Variants in SRGAP1 observed in about 807,000 individuals in gnomAD.
SRGAP1 encodes SLIT-ROBO Rho GTPase-activating protein 1.
Under a neutral mutation model 121.9 loss-of-function variants are expected in SRGAP1, and 43 were observed. The ratio of observed to expected loss-of-function variants is 0.35; its 90% CI spans 0.28 to 0.46. The LOEUF is 0.46. SRGAP1 is among the 20% of genes least tolerant of loss of function. SRGAP1 has a pLI of 1.00. For synonymous variants in SRGAP1, 447 were observed against 485.4 expected (o/e 0.92, Z 1.04); for missense variants, 1,102 against 1,350.9 (o/e 0.82, Z 2.89).
chr12:63,956,895 A>T (rs2032491143), intron 1 of SRGAP1, among the ~76,000 whole-genome samples: 1 of 151,644 alleles, frequency 6.6e-6, no homozygotes, highest in Admixed American at 6.6e-5. Flanking sequence ...ATTAGCCATC[A>T]CTCTCCATTC....
chr12:64,085,415 C>A (rs1309842173), intron 10 of SRGAP1, among the ~76,000 whole-genome samples: 1 of 152,118 alleles, frequency 6.6e-6, no homozygotes, highest in Admixed American at 6.6e-5. Context: ...CAACACAAGC[C>A]AGACAGTTTC....
chr12:64,092,291 T>G (rs1241630041), intron 12 of SRGAP1, among the ~76,000 whole-genome samples: 1 of 152,188 alleles, frequency 6.6e-6, no homozygotes, highest in Non-Finnish European at 1.5e-5. Context: ...GTAGTTCACA[T>G]TTTATGGCAT....
intron 1 of SRGAP1, among the ~76,000 whole-genome samples, chr12:63,929,764 CTG>C (rs777881492): frequency 9.9e-5 from 15 of 152,038 alleles, no homozygotes; most frequent in Non-Finnish European, 2.2e-4. Flanking sequence ...TTAGAGTAAA[CTG>C]TTCTTTTCAG....
intron 4 of SRGAP1, 43 bp downstream of exon 4, chr12:64,017,055 G>A (rs2034422528): frequency 8.4e-7 from 1 of 1,192,870 alleles, no homozygotes; most frequent in South Asian, 1.4e-5. Flanking sequence ...CCTTGGGTTA[G>A]AATTCTGGTT....
At chr12:64,104,248 G>A (rs2036303961) in intron 15 of SRGAP1, among the ~76,000 whole-genome samples, 1 of 152,102 alleles carries the variant, frequency 6.6e-6, no homozygotes, top group Admixed American at 6.5e-5. Flanking sequence ...CTGGGAAGTT[G>A]GGACGCTAAC....
chr12:64,114,761 C>T (rs2136620711), intron 17 of SRGAP1, among the ~76,000 whole-genome samples: 1 of 152,294 alleles, frequency 6.6e-6, no homozygotes, highest in Admixed American at 6.5e-5. Flanking sequence ...TATTCTAGGA[C>T]ATTTTGTGAT....
At chr12:64,071,034 T>G (rs1415650500) in intron 8 of SRGAP1, among the ~76,000 whole-genome samples, 1 of 152,210 alleles carries the variant, frequency 6.6e-6, no homozygotes, top group Non-Finnish European at 1.5e-5. Flanking sequence ...TATCTTTGAC[T>G]TGCCTGCAAC....
intron 4 of SRGAP1, among the ~76,000 whole-genome samples, chr12:64,037,431 C>T (rs546831167): frequency 6.6e-6 from 1 of 152,342 alleles, no homozygotes; most frequent in East Asian, 1.9e-4. Flanking sequence ...AATGAAGTCA[C>T]CCCAAGCCAT....
rs2034340949 is a variant in SRGAP1, at chr12:64,014,304, CAA to C, written c.427-2643_427-2642del. ...ATATTTCAGGGCCTCTGGGGAATGA[CAA>C]AAGAAAAATGTAAGTGTATGTCTGG... is the stretch of plus-strand genomic sequence containing the variant. On this transcript the variant is annotated intron_variant, in intron 3 of 21. Transcript: ENST00000355086. Among the ~76,000 whole-genome samples the C allele has an allele frequency of 2.6e-5, 4 of 152,210 alleles. No individual in the cohort carries two copies. In the South Asian group the frequency reaches 8.3e-4, roughly 32 times the overall value.
chr12:64,119,528 A>G (rs2036571796), intron 18 of SRGAP1, among the ~76,000 whole-genome samples: 1 of 152,106 alleles, frequency 6.6e-6, no homozygotes, highest in African/African-American at 2.4e-5. Context: ...CAGTTATTTA[A>G]TGTCTCCCAA....
intron 1 of SRGAP1, among the ~76,000 whole-genome samples, chr12:63,884,425 A>G (rs562105309): frequency 3.9e-5 from 6 of 152,296 alleles, no homozygotes; most frequent in South Asian, 4.1e-4. Flanking sequence ...GTAGTTATAC[A>G]TATTTATTGG....
chr12:64,011,131 A>G lies in SRGAP1; in HGVS notation c.427-5819A>G, dbSNP rs527988332. 3.9e-5 allele frequency among the ~76,000 whole-genome samples: 6 copies of G among 152,048 alleles called. No homozygotes were observed. In the South Asian group the frequency reaches 8.3e-4, roughly 21 times the overall value. ...TAGCAGTTTAGGACCAGGCTGAAGG[A>G]TGGGGTGTGGGATTTGTGGAAAGTG... On this transcript the variant is annotated intron_variant, in intron 3 of 21. Coordinates refer to ENST00000355086, the MANE Select transcript of SRGAP1 (RefSeq NM_020762.4).
At chr12:63,993,003 A>G (rs539937477) in intron 3 of SRGAP1, among the ~76,000 whole-genome samples, 2 of 152,328 alleles carry the variant, frequency 1.3e-5, no homozygotes, top group South Asian at 2.1e-4. Context: ...AGCAGACTAC[A>G]GACCTTACCT....
intron 1 of SRGAP1, among the ~76,000 whole-genome samples, chr12:63,950,084 C>A (rs528685257): frequency 6.6e-6 from 1 of 152,282 alleles, no homozygotes; most frequent in Admixed American, 6.5e-5. Flanking sequence ...GAAGAGTGAA[C>A]TTTGGCAATA....
chr12:63,880,084 T>A (rs1900144345), intron 1 of SRGAP1, among the ~76,000 whole-genome samples: 1 of 152,108 alleles, frequency 6.6e-6, no homozygotes, highest in African/African-American at 2.4e-5. Context: ...AGTGGAAAAG[T>A]CTCATGAGAT....
intron 1 of SRGAP1, among the ~76,000 whole-genome samples, chr12:63,917,999 T>A (rs1003124861): frequency 1.3e-5 from 2 of 152,230 alleles, no homozygotes; most frequent in African/African-American, 4.8e-5. Flanking sequence ...GTTTGGTGGC[T>A]ACAAGATTTC....
At chr12:64,005,547 G>C (rs1300222547) in intron 3 of SRGAP1, among the ~76,000 whole-genome samples, 1 of 152,136 alleles carries the variant, frequency 6.6e-6, no homozygotes, top group Non-Finnish European at 1.5e-5. Context: ...TTGGGAGGCA[G>C]AGGCAGGAGG....
chr12:64,113,734 A>C (rs1198327410), intron 17 of SRGAP1, among the ~76,000 whole-genome samples: 1 of 152,220 alleles, frequency 6.6e-6, no homozygotes, highest in African/African-American at 2.4e-5. Context: ...TTTATTTAGC[A>C]TGACCACTCT....
intron 15 of SRGAP1, among the ~76,000 whole-genome samples, chr12:64,102,185 A>G (rs1291375090): frequency 1.3e-5 from 2 of 152,240 alleles, no homozygotes; most frequent in Admixed American, 6.5e-5. Flanking sequence ...AGGTTGGTGC[A>G]AAAGTTATTG....
Sources: gnomAD v4.1 joint callset for allele counts (sites outside exome capture counted in the v4.1 genomes callset) on GRCh38, gnomAD v4.1.1 for gene constraint, MANE v1.5 for transcripts, NCBI Gene and HGNC (gene_info 2026-07-23, HGNC 2026-07-21) for gene names.